TRIM37: variants seen among roughly 807,000 people sequenced by gnomAD.
TRIM37 encodes the protein E3 ubiquitin-protein ligase TRIM37.
A neutral mutation model predicts 129.8 loss-of-function variants in TRIM37; 80 were observed. The observed-to-expected ratio is 0.62, with a 90% CI of 0.51 to 0.74. The LOEUF is 0.74. Among genes scored for constraint, TRIM37 ranks in the 30% least tolerant of loss-of-function variants. The pLI, the probability that TRIM37 is intolerant of heterozygous loss-of-function variation, is 0.00. For missense variants in TRIM37, 1,054 were observed against 1,176.5 expected, an observed-to-expected ratio of 0.90 and a Z score of 1.52; for synonymous variants, 389 against 387.1, an observed-to-expected ratio of 1.00 and a Z score of -0.06.
chr17:59,092,017 T>C (rs1415867346), intron 2 of TRIM37, among the ~76,000 whole-genome samples: 1 of 151,834 alleles, frequency 6.6e-6, no homozygotes, highest in East Asian at 1.9e-4. Context: ...AGGAAGCTAA[T>C]TCTGAGTTAC....
At chr17:59,089,520 A>G (rs1178343821) in intron 3 of TRIM37, among the ~76,000 whole-genome samples, 1 of 152,086 alleles carries the variant, frequency 6.6e-6, no homozygotes, top group South Asian at 2.1e-4. Flanking sequence ...ACGTGCCTGT[A>G]ATCCCAGCTA....
chr17:59,032,685 T>A (rs570990900), intron 17 of TRIM37, among the ~76,000 whole-genome samples: 20 of 152,168 alleles, frequency 1.3e-4, no homozygotes, highest in African/African-American at 4.3e-4. Flanking sequence ...GTGTACGATG[T>A]GCACAATTGG....
chr17:59,011,499 A>G (rs1479990452), intron 22 of TRIM37, among the ~76,000 whole-genome samples: 6 of 152,184 alleles, frequency 3.9e-5, no homozygotes, highest in African/African-American at 1.4e-4. Context: ...ATGAGTGCAG[A>G]GGTGGAAGGT....
At chr17:59,096,565 A>C (rs934379591) in intron 2 of TRIM37, among the ~76,000 whole-genome samples, 2 of 99,468 alleles carry the variant, frequency 2.0e-5, no homozygotes, top group African/African-American at 6.7e-5. Context: ...AAAAAAAACA[A>C]AAAAAAAAAA....
chr17:58,988,982 T>C (rs1175520393), intron 24 of TRIM37, among the ~76,000 whole-genome samples: 1 of 152,216 alleles, frequency 6.6e-6, no homozygotes, highest in Non-Finnish European at 1.5e-5. Context: ...ACAAAGGTCT[T>C]AGCAGCAGGA....
At chr17:59,044,723 A>T (rs1422437273) in intron 16 of TRIM37, among the ~76,000 whole-genome samples, 1 of 152,164 alleles carries the variant, frequency 6.6e-6, no homozygotes, top group Non-Finnish European at 1.5e-5. Context: ...ATAGGGGAGG[A>T]TGTGCATAGG....
chr17:58,978,973 A>T (rs779774808), downstream of TRIM37, among the ~76,000 whole-genome samples: 1 of 152,084 alleles, frequency 6.6e-6, no homozygotes, highest in Non-Finnish European at 1.5e-5. Flanking sequence ...CCAACTGTAC[A>T]TTACTCCCTA....
the TRIM37 span, chr17:58,972,719 C>G: frequency 1.0e-6 from 1 of 959,670 alleles, no homozygotes; most frequent in South Asian, 1.4e-5. Flanking sequence ...AATGGAGAAA[C>G]AAAGAGAACC....
At chr17:59,082,083 A>G (rs2043349518) in intron 5 of TRIM37, among the ~76,000 whole-genome samples, 1 of 151,566 alleles carries the variant, frequency 6.6e-6, no homozygotes, top group Admixed American at 6.6e-5. Context: ...CAGCCTGGCC[A>G]ACATGGTGAA....
At chr17:59,009,324 C>T (rs893256403) in intron 22 of TRIM37, among the ~76,000 whole-genome samples, 7 of 151,944 alleles carry the variant, frequency 4.6e-5, no homozygotes, top group African/African-American at 1.7e-4. Flanking sequence ...GATGGGGTTT[C>T]ACCATGTTGG....
chr17:59,071,388 C>T (rs981704462), intron 8 of TRIM37, among the ~76,000 whole-genome samples: 3 of 150,158 alleles, frequency 2.0e-5, no homozygotes, highest in African/African-American at 7.4e-5. Flanking sequence ...TGGGTTCAAG[C>T]GATTCTCCTG....
Position 58,999,257 on chromosome 17 carries a change from G to A in TRIM37, c.*120C>T. The A allele has an allele frequency of 1.9e-6, 3 of 1,598,286 alleles. No homozygotes were observed. In the South Asian group the frequency reaches 3.3e-5, roughly 18 times the overall value. ...AACAGTTTCCAAATTACTATTTCAG[G>A]TCGAGATAATGAAGAAATAAGACCA... On this transcript the variant is annotated 3_prime_UTR_variant, in exon 24 of 24. Transcript: ENST00000262294.
At chr17:58,976,264 A>G in the TRIM37 span, among the ~76,000 whole-genome samples, 1 of 152,148 alleles carries the variant, frequency 6.6e-6, no homozygotes, top group Non-Finnish European at 1.5e-5. Context: ...GGTAGCTGAT[A>G]TGGGAGAATC....
chr17:59,076,369 A>G (rs2042814443), intron 7 of TRIM37, among the ~76,000 whole-genome samples: 1 of 152,210 alleles, frequency 6.6e-6, no homozygotes, highest in South Asian at 2.1e-4. Flanking sequence ...GGTGAGACCC[A>G]GTCTCTACAA....
downstream of TRIM37, among the ~76,000 whole-genome samples, chr17:58,994,698 C>T (rs1177379996): frequency 6.6e-6 from 1 of 152,096 alleles, no homozygotes; most frequent in Non-Finnish European, 1.5e-5. Context: ...GTCTTGGAAC[C>T]AATCCCTCAC....
At chr17:59,073,463 T>G (rs1288705778) in intron 8 of TRIM37, among the ~76,000 whole-genome samples, 1 of 152,028 alleles carries the variant, frequency 6.6e-6, no homozygotes, top group Non-Finnish European at 1.5e-5. Flanking sequence ...CCAGCTAAGT[T>G]TTGTATTTTT....
intron 2 of TRIM37, among the ~76,000 whole-genome samples, chr17:59,099,109 G>A (rs1599573281): frequency 6.6e-6 from 1 of 152,086 alleles, no homozygotes; most frequent in Non-Finnish European, 1.5e-5. Flanking sequence ...CTTGAACCTC[G>A]GAGGTGGAGG....
At chr17:59,050,775 C>T (rs140645048) in intron 14 of TRIM37, among the ~76,000 whole-genome samples, 4 of 152,076 alleles carry the variant, frequency 2.6e-5, no homozygotes, top group Non-Finnish European at 5.9e-5. Context: ...GTCAGGACAT[C>T]GAGACCATCC....
At chr17:58,998,146 C>G (rs2033188016), downstream of TRIM37, 1 of 861,772 alleles carries the variant, frequency 1.2e-6, no homozygotes, top group Non-Finnish European at 1.4e-6. Context: ...ACTAATGAGG[C>G]AATGAGTAGA....
Sources: allele counts gnomAD v4.1 joint callset (sites outside exome capture counted in the v4.1 genomes callset), GRCh38; gene constraint gnomAD v4.1.1; transcripts MANE v1.5; gene names NCBI Gene and HGNC (gene_info 2026-07-23, HGNC 2026-07-21).